Variants in IFT140 observed in about 807,000 individuals in gnomAD.
IFT140 encodes intraflagellar transport protein 140 homolog.
IFT140 carries 133 observed loss-of-function variants against 164.6 expected under a neutral mutation model. That is an observed-to-expected ratio of 0.81 (90% confidence interval 0.70 to 0.93). IFT140 has a LOEUF of 0.93. Ranked by LOEUF, IFT140 falls within the 40% of genes least tolerant of loss-of-function variation. The pLI, the probability that IFT140 is intolerant of heterozygous loss-of-function variation, is 0.00. For synonymous variants in IFT140, 860 were observed against 817.3 expected, an observed-to-expected ratio of 1.05 and a Z score of -0.89; for missense variants, 2,045 against 1,972.3, an observed-to-expected ratio of 1.04 and a Z score of -0.70.
intron 19 of IFT140, among the ~76,000 whole-genome samples, chr16:1,543,737 C>T (rs547073915): frequency 1.4e-4 from 22 of 152,204 alleles, no homozygotes; most frequent in Non-Finnish European, 3.2e-4. Context: ...AGACTCTCAA[C>T]GAGGTACCCA....
At chr16:1,600,463 T>TA (rs34665250) in intron 4 of IFT140, among the ~76,000 whole-genome samples, 15,508 of 135,280 alleles carry the variant, frequency 0.11, 898 homozygotes, top group Admixed American at 0.2. Flanking sequence ...AAAATAAATT[T>TA]AAAAAAAAAA....
chr16:1,581,808 T>G (rs117406049), intron 12 of IFT140, among the ~76,000 whole-genome samples: 5,892 of 14,722 alleles, frequency 0.4, 433 homozygotes, highest in African/African-American at 0.49. Flanking sequence ...GTGGAGGGGA[T>G]GGGAGTGGAG....
chr16:1,602,180 A>C (rs1297398381), intron 4 of IFT140, 190 bp downstream of exon 4: 1 of 605,620 alleles, frequency 1.7e-6, no homozygotes, highest in Non-Finnish European at 2.9e-6. Flanking sequence ...AAAGGTGCAG[A>C]CACACCTTTG....
intron 19 of IFT140, among the ~76,000 whole-genome samples, chr16:1,534,957 C>A (rs1045614931): frequency 2.6e-5 from 4 of 152,042 alleles, no homozygotes; most frequent in Admixed American, 2.0e-4. Flanking sequence ...GTAATCCTAG[C>A]GCTTTGGGAG....
At chr16:1,524,949 C>G (rs777141110) in intron 22 of IFT140, 33 bp from the exon 23 acceptor site, 2 of 1,581,840 alleles carry the variant, frequency 1.3e-6, no homozygotes, top group Non-Finnish European at 1.7e-6. Context: ...GATTCTCCAC[C>G]CGAGCCCCGC....
At chr16:1,526,569 T>C (rs1322662630) in intron 20 of IFT140, 50 bp downstream of exon 20, 2 of 1,444,656 alleles carry the variant, frequency 1.4e-6, no homozygotes, top group African/African-American at 1.4e-5. Context: ...GGGCCGTGGC[T>C]GTGGCAGGCG....
At chr16:1,567,392 G>GCCTCTGC (rs61256585) in intron 15 of IFT140, among the ~76,000 whole-genome samples, 14 of 152,144 alleles carry the variant, frequency 9.2e-5, no homozygotes, top group African/African-American at 3.1e-4. Context: ...GCCAATGCCG[G>GCCTCTGC]CCTCTGCCCT....
rs778438102 is a variant in IFT140, at chr16:1,520,617, G to C, written c.3645C>G (p.Ala1215=). 1.3e-6 allele frequency: 2 copies of C among 1,588,102 alleles called. No homozygotes were observed. The highest frequency in any genetic ancestry group is 1.7e-6 in the Non-Finnish European group (2 of 1,164,810). ...YHLATKKYTQ[A]GNKLKAMRAL... is the part of the protein sequence containing the mutation. The stretch of plus-strand genomic sequence containing the variant: ...AGAGGCTCACCTTCAGCTTGTTGCC[G>C]GCCTGCGTGTACTTCTTGGTGGCCA... The change falls in exon 27 of 31, where the codon GCC becomes GCG. Residue 1215 remains alanine, a synonymous_variant. Transcript: ENST00000426508.
At chr16:1,545,939 T>A (rs1357844007) in intron 19 of IFT140, among the ~76,000 whole-genome samples, 2 of 152,228 alleles carry the variant, frequency 1.3e-5, no homozygotes, top group Non-Finnish European at 2.9e-5. Flanking sequence ...GCAGCTGAAA[T>A]GTGCGGGGAC....
chr16:1,519,878 C>T lies in IFT140; in HGVS notation c.4040+3G>A, dbSNP rs779462689. On this transcript the variant is annotated splice_donor_region_variant and intron_variant, in intron 29 of 30. Transcript: ENST00000426508. ...CCTGTCCCCGCTGGCCCCGGGGGCACACCTGCGGGCCTGGATGAACCTCTT... is the reference window on the plus strand; with the variant it reads ...CCTGTCCCCGCTGGCCCCGGGGGCATACCTGCGGGCCTGGATGAACCTCTT... 5 of 1,530,918 alleles carry T rather than the reference C, an allele frequency of 3.3e-6. No homozygotes were observed. The African/African-American group carries it at 5.6e-5, about 17-fold the overall frequency. The allele number at this position is 1,530,918 out of a possible 1,614,324, so 94.8% of individuals were successfully genotyped here.
intron 3 of IFT140, among the ~76,000 whole-genome samples, chr16:1,606,011 C>G (rs2036041538): frequency 6.6e-6 from 1 of 152,172 alleles, no homozygotes; most frequent in Admixed American, 6.5e-5. Flanking sequence ...AGGGCTGGAG[C>G]AGCGCATCTG....
intron 30 of IFT140, among the ~76,000 whole-genome samples, chr16:1,512,661 T>C (rs763571299): frequency 3.3e-5 from 5 of 152,150 alleles, no homozygotes; most frequent in Non-Finnish European, 4.4e-5. Flanking sequence ...AGAAACCCCG[T>C]TGGAGCAGGG....
At chr16:1,567,918 G>A (rs1026639718) in intron 15 of IFT140, among the ~76,000 whole-genome samples, 2 of 152,202 alleles carry the variant, frequency 1.3e-5, no homozygotes, top group Non-Finnish European at 2.9e-5. Context: ...AAGAGGAAGC[G>A]AGCAACTCTC....
At chr16:1,511,487 G>C (rs572130902) in intron 30 of IFT140, among the ~76,000 whole-genome samples, 330 of 152,360 alleles carry the variant, frequency 2.2e-3, no homozygotes, top group Admixed American at 4.0e-3. Context: ...CTCCTGGGGA[G>C]GCAGAGGCCC....
intron 19 of IFT140, chr16:1,541,240 A>G: frequency 1.0e-6 from 1 of 985,408 alleles, no homozygotes; most frequent in Middle Eastern, 5.2e-4. Flanking sequence ...CCACTGAGTG[A>G]AAGATTTGTG....
At chr16:1,595,121 T>C (rs2035389134) in intron 4 of IFT140, among the ~76,000 whole-genome samples, 1 of 151,636 alleles carries the variant, frequency 6.6e-6, no homozygotes, top group South Asian at 2.1e-4. Flanking sequence ...CTGTCTCTAC[T>C]AAAAATACAA....
intron 19 of IFT140, among the ~76,000 whole-genome samples, chr16:1,550,209 G>A (rs1204264323): frequency 6.6e-6 from 1 of 152,086 alleles, no homozygotes; most frequent in Non-Finnish European, 1.5e-5. Context: ...CAAAGTGCTG[G>A]GATTACAGGC....
At chr16:1,541,936 T>C (rs188607058) in intron 19 of IFT140, 1 of 1,605,826 alleles carries the variant, frequency 6.2e-7, no homozygotes, top group Non-Finnish European at 8.5e-7. Context: ...TTCGACATGA[T>C]GCGCGCCTGC....
chr16:1,585,347 A>G (rs2034811562), intron 10 of IFT140, among the ~76,000 whole-genome samples: 1 of 152,226 alleles, frequency 6.6e-6, no homozygotes, highest in East Asian at 1.9e-4. Context: ...TTCCATTTCC[A>G]TGAAACATCC....
Sources: allele counts gnomAD v4.1 joint callset (sites outside exome capture counted in the v4.1 genomes callset), GRCh38; gene constraint gnomAD v4.1.1; transcripts MANE v1.5; gene names NCBI Gene and HGNC (gene_info 2026-07-23, HGNC 2026-07-21).